Variants in SLC25A32 observed in about 807,000 individuals in gnomAD.
The protein encoded by SLC25A32 is Glycine auxotroph B, complementation of hamster.
SLC25A32 carries 32 observed loss-of-function variants against 39.0 expected under a neutral mutation model. The ratio of observed to expected loss-of-function variants is 0.82; its 90% CI spans 0.62 to 1.10. The LOEUF is 1.10. Among genes scored for constraint, SLC25A32 ranks in the 50% least tolerant of loss-of-function variants. SLC25A32 has a pLI of 0.00. For missense variants in SLC25A32, 367 were observed against 395.3 expected, an observed-to-expected ratio of 0.93 and a Z score of 0.61; for synonymous variants, 166 against 152.4, an observed-to-expected ratio of 1.09 and a Z score of -0.66.
At position 103,414,986 on chromosome 8, in the gene SLC25A32, A is replaced by G. The variant is rs1423765381; in HGVS notation, c.-49T>C. 1.3e-6 allele frequency: 2 copies of G among 1,580,082 alleles called. No individual in the cohort carries two copies. The highest frequency in any genetic ancestry group is 4.7e-5 in the East Asian group (2 of 42,912). Reference sequence around the variant, plus strand: ...CGGCGCCCAGGGCCGCGGAGGTGGGACGCGATGCAGTGGCCGCCACCGTGG... The same window carrying G: ...CGGCGCCCAGGGCCGCGGAGGTGGGGCGCGATGCAGTGGCCGCCACCGTGG... On this transcript the variant is annotated 5_prime_UTR_variant, in exon 1 of 7. Coordinates refer to ENST00000297578, the MANE Select transcript of SLC25A32 (RefSeq NM_030780.5).
Position 103,415,069 on chromosome 8 carries a change from T to G in SLC25A32, c.-132A>C, listed in dbSNP as rs1276805790. ...TCCGGGACCAACGAGAGGACTCTTATGCCCAAGGCGCGTGAGCGAAGCCGG... is the reference window on the plus strand; with the variant it reads ...TCCGGGACCAACGAGAGGACTCTTAGGCCCAAGGCGCGTGAGCGAAGCCGG... On this transcript the variant is annotated 5_prime_UTR_variant, in exon 1 of 7. Transcript: ENST00000297578. 1.2e-6 allele frequency: 2 copies of G among 1,607,884 alleles called. No homozygotes were observed. Among genetic ancestry groups the G allele is most frequent in the Non-Finnish European group, 1.7e-6 (2 of 1,177,574 alleles).
intron 1 of SLC25A32, 149 bp from the exon 2 acceptor site, chr8:103,407,933 T>C: frequency 4.8e-6 from 1 of 208,836 alleles, no homozygotes; most frequent in East Asian, 9.5e-5. Flanking sequence ...TCCAGGCTTT[T>C]ATATATATAT....
At chr8:103,406,080 TAC>T (rs754919068) in intron 2 of SLC25A32, among the ~76,000 whole-genome samples, 3,441 of 134,170 alleles carry the variant, frequency 0.026, 95 homozygotes, top group African/African-American at 0.052. Flanking sequence ...TATATATATA[TAC>T]ACACACACAT....
At position 103,406,274 on chromosome 8, in the gene SLC25A32, G is replaced by C. The variant is rs139494208; in HGVS notation, c.305+1360C>G. ...TGCTTTCACTTAAAAGATACTTTAA[G>C]ATTGGTTTGGATACTGCCATAAACT... On this transcript the variant is annotated intron_variant, in intron 2 of 6. Transcript: ENST00000297578. Among the ~76,000 whole-genome samples the C allele has an allele frequency of 4.6e-5, 7 of 152,210 alleles. No homozygotes were observed. The East Asian group carries it at 1.4e-3, about 29-fold the overall frequency.
At chr8:103,406,065 G>GTGTATATA (rs372284581) in intron 2 of SLC25A32, among the ~76,000 whole-genome samples, 15 of 144,164 alleles carry the variant, frequency 1.0e-4, no homozygotes, top group South Asian at 2.2e-4. Flanking sequence ...GTGTGTGTGT[G>GTGTATATA]TATATATATA....
At chr8:103,411,632 A>G (rs935064751) in intron 1 of SLC25A32, among the ~76,000 whole-genome samples, 2 of 152,168 alleles carry the variant, frequency 1.3e-5, no homozygotes, top group African/African-American at 4.8e-5. Flanking sequence ...TTCTTTGCCA[A>G]TAAATTTCCT....
At chr8:103,408,506 C>T (rs1816390595) in intron 1 of SLC25A32, among the ~76,000 whole-genome samples, 1 of 152,050 alleles carries the variant, frequency 6.6e-6, no homozygotes, top group Non-Finnish European at 1.5e-5. Context: ...TAGCTAGGAG[C>T]CTCAATTTAT....
intron 1 of SLC25A32, among the ~76,000 whole-genome samples, chr8:103,411,655 C>G (rs186459381): frequency 7.9e-4 from 121 of 152,272 alleles, no homozygotes; most frequent in Admixed American, 2.0e-3. Context: ...GCCCCCTTTT[C>G]TCTGCCCATC....
At position 103,410,836 on chromosome 8, in the gene SLC25A32, G is replaced by C. The variant is rs931729500; in HGVS notation, c.155-3052C>G. Among the ~76,000 whole-genome samples the C allele has an allele frequency of 1.1e-4, 16 of 152,250 alleles. 2 individuals carry two copies. The highest frequency in any genetic ancestry group is 1.0e-3 in the Admixed American group (16 of 15,294). Reference sequence around the variant, plus strand: ...AATTTTAAATTCATTTTCAAAGAAAGACAATATAATGACTTTAAAAAAATT... The same window carrying C: ...AATTTTAAATTCATTTTCAAAGAAACACAATATAATGACTTTAAAAAAATT... On this transcript the variant is annotated intron_variant, in intron 1 of 6. Transcript: ENST00000297578.
Position 103,407,633 on chromosome 8 carries a change from C to T in SLC25A32, c.305+1G>A, listed in dbSNP as rs772292895. ...CTGTAAAATCTCCCAAATCTACTCA[C>T]AAGAAAAAGTAGAGTCCCCAGGATA... On this transcript the variant is annotated splice_donor_variant, in intron 2 of 6. Coordinates refer to ENST00000297578, the MANE Select transcript of SLC25A32 (RefSeq NM_030780.5). LOFTEE classifies it high-confidence loss of function. 1.3e-6 allele frequency: 2 copies of T among 1,545,872 alleles called. No individual in the cohort carries two copies. The highest frequency in any genetic ancestry group is 1.2e-5 in the South Asian group (1 of 80,104).
At chr8:103,404,109 T>C (rs995319998) in intron 3 of SLC25A32, among the ~76,000 whole-genome samples, 3 of 152,176 alleles carry the variant, frequency 2.0e-5, no homozygotes, top group Non-Finnish European at 4.4e-5. Flanking sequence ...TTCTGGATAG[T>C]ATACATAAGT....
chr8:103,413,078 C>T (rs1367886982), intron 1 of SLC25A32, among the ~76,000 whole-genome samples: 1 of 152,174 alleles, frequency 6.6e-6, no homozygotes, highest in East Asian at 1.9e-4. Flanking sequence ...CAAACTCAAT[C>T]CTTTTATCTG....
chr8:103,414,580 C>A (rs994132360), intron 1 of SLC25A32: 11 of 657,606 alleles, frequency 1.7e-5, no homozygotes, highest in Non-Finnish European at 2.6e-5. Flanking sequence ...ATACATGCCC[C>A]CTCTCTTAGT....
intron 2 of SLC25A32, 27 bp downstream of exon 2, chr8:103,407,607 A>T (rs774712532): frequency 2.0e-6 from 3 of 1,475,722 alleles, no homozygotes; most frequent in South Asian, 2.9e-5. Context: ...TTAATTTAAT[A>T]CTGTAAAATC....
In SLC25A32 at chr8:103,406,170, A is replaced by G. The variant is rs150532971; in HGVS notation, c.306-1309T>C. 9.7e-4 allele frequency among the ~76,000 whole-genome samples: 148 copies of G among 151,988 alleles called. 1 individual carries two copies. Among genetic ancestry groups the G allele is most frequent in the African/African-American group, 3.3e-3 (135 of 41,442 alleles). On this transcript the variant is annotated intron_variant, in intron 2 of 6. Coordinates refer to ENST00000297578, the MANE Select transcript of SLC25A32 (RefSeq NM_030780.5). Reference sequence around the variant, plus strand: ...TATATGTCAAGGGGGGTGTGTGTGTATATAGTTTCACACACACCTCTCTAA... The same window carrying G: ...TATATGTCAAGGGGGGTGTGTGTGTGTATAGTTTCACACACACCTCTCTAA...
At chr8:103,404,627 A>G in intron 3 of SLC25A32, 149 bp downstream of exon 3, 1 of 568,918 alleles carries the variant, frequency 1.8e-6, no homozygotes, top group Non-Finnish European at 3.0e-6. Context: ...AAAAACAAAC[A>G]AACAAAAAAA....
chr8:103,405,660 TC>T (rs1159389219), intron 2 of SLC25A32, among the ~76,000 whole-genome samples: 4 of 151,850 alleles, frequency 2.6e-5, no homozygotes, highest in African/African-American at 9.7e-5. Context: ...ACACATTCTT[TC>T]TTTTTTTTTT....
chr8:103,402,694 T>A (rs1292203951), intron 4 of SLC25A32: 2 of 152,004 alleles, frequency 1.3e-5, no homozygotes, highest in East Asian at 3.8e-4. Context: ...AGGAAAAAAA[T>A]TTTTAAAATA....
intron 1 of SLC25A32, among the ~76,000 whole-genome samples, chr8:103,410,372 TG>T (rs1437488087): frequency 6.6e-6 from 1 of 152,228 alleles, no homozygotes; most frequent in Non-Finnish European, 1.5e-5. Context: ...TACTTACAGC[TG>T]CTCCCCATTG....
Sources: gnomAD v4.1 joint callset for allele counts (sites outside exome capture counted in the v4.1 genomes callset) on GRCh38, gnomAD v4.1.1 for gene constraint, MANE v1.5 for transcripts, NCBI Gene and HGNC (gene_info 2026-07-23, HGNC 2026-07-21) for gene names.